The following MAX variants were observed in gnomAD, a reference collection of about 807,000 sequenced individuals.
MAX encodes protein max.
Under a neutral mutation model 22.3 loss-of-function variants are expected in MAX, and 3 were observed. The ratio of observed to expected loss-of-function variants is 0.13; its 90% CI spans 0.06 to 0.35. MAX has a LOEUF of 0.35. MAX is among the 10% of genes least tolerant of loss of function. MAX has a pLI of 1.00. For missense variants in MAX, 119 were observed against 209.4 expected (o/e 0.57, Z 2.66); for synonymous variants, 72 against 77.7 (o/e 0.93, Z 0.39).
chr14:65,100,756 T>C (rs1196518797), intron 2 of MAX, among the ~76,000 whole-genome samples: 4 of 152,190 alleles, frequency 2.6e-5, no homozygotes, highest in Admixed American at 2.0e-4. Flanking sequence ...TTCCCTCAAA[T>C]CTATTCATGA....
downstream of MAX, among the ~76,000 whole-genome samples, chr14:65,070,639 A>G (rs1397620693): frequency 6.6e-6 from 1 of 152,250 alleles, no homozygotes; most frequent in Non-Finnish European, 1.5e-5. The surrounding 1 kb of genome is among the most constrained non-coding windows in gnomAD (Gnocchi z 4.4). Flanking sequence ...GCGAGCGTGC[A>G]CATGGGATCC....
intron 3 of MAX, chr14:65,061,570 C>T (rs1042148985): frequency 4.9e-6 from 2 of 404,580 alleles, no homozygotes; most frequent in African/African-American, 4.0e-5. Flanking sequence ...CAGTGCATGC[C>T]AGGAGGAAGC....
chr14:65,062,257 A>G lies in MAX; in HGVS notation c.171+31451T>C, dbSNP rs932143613. Reference sequence around the variant, plus strand: ...GAGTATTAACACTACTAAGTCTTTCACCTTAACTTATGACTCAGGATTTAT... The same window carrying G: ...GAGTATTAACACTACTAAGTCTTTCGCCTTAACTTATGACTCAGGATTTAT... On this transcript the variant is annotated intron_variant, in intron 3 of 3. Coordinates refer to the MAX transcript ENST00000341653. The surrounding 1 kb of genome is among the most constrained non-coding windows in gnomAD (Gnocchi z 4.3). 2 of 152,246 alleles carry G rather than the reference A, an allele frequency of 1.3e-5. No individual in the cohort carries two copies. Among genetic ancestry groups the G allele is most frequent in the African/African-American group, 4.8e-5 (2 of 41,462 alleles). 9.4% of individuals were successfully genotyped at this position (152,246 alleles called of 1,614,324 possible). A position where few individuals can be genotyped will look rare whatever the true frequency, so the allele number is the denominator to read the frequency against.
At chr14:65,074,522 C>T (rs866470535), downstream of MAX, among the ~76,000 whole-genome samples, 1 of 152,230 alleles carries the variant, frequency 6.6e-6, no homozygotes, top group South Asian at 2.1e-4. Flanking sequence ...GACTTCCTCT[C>T]TGGGTCTAGG....
Position 65,011,498 on chromosome 14 carries a change from G to A in MAX, c.172-5214C>T, listed in dbSNP as rs2061683379. Among the ~76,000 whole-genome samples, 1 of 149,632 alleles carries A rather than the reference G, an allele frequency of 6.7e-6. No individual in the cohort carries two copies. Among genetic ancestry groups the A allele is most frequent in the African/African-American group, 2.5e-5 (1 of 40,724 alleles). ...TCTGAGCCAAGTACAGTGGGAATTT[G>A]ATAAACAATTGTGGAATTGACTACC... On this transcript the variant is annotated intron_variant, in intron 3 of 3. Transcript: ENST00000341653. This position sits in a 1 kb window ranked among gnomAD's most constrained non-coding sequence, Gnocchi z 4.0.
At chr14:65,021,808 G>T (rs554691125) in intron 3 of MAX, among the ~76,000 whole-genome samples, 2 of 152,284 alleles carry the variant, frequency 1.3e-5, no homozygotes, top group East Asian at 3.9e-4. Context: ...ACTATGCCTG[G>T]CTAATTTTTG....
intron 2 of MAX, among the ~76,000 whole-genome samples, chr14:65,094,570 G>C (rs1439322984): frequency 3.9e-5 from 6 of 152,232 alleles, no homozygotes; most frequent in Non-Finnish European, 7.3e-5. Context: ...ATTCTCTCAG[G>C]TACCTGTGGC....
At chr14:65,041,569 G>T (rs200808209) in intron 3 of MAX, among the ~76,000 whole-genome samples, 1 of 152,154 alleles carries the variant, frequency 6.6e-6, no homozygotes, top group African/African-American at 2.4e-5. Flanking sequence ...TGACCATGAC[G>T]TCAAAGCAAA....
Position 65,102,439 on chromosome 14 carries a change from A to C in MAX, c.-100T>G, listed in dbSNP as rs111941208. Reference sequence around the variant, plus strand: ...GACAACAACAAGCCGAGTCCCCCCCACACACACACTCACTCACTCACTCAC... The same window carrying C: ...GACAACAACAAGCCGAGTCCCCCCCCCACACACACTCACTCACTCACTCAC... On this transcript the variant is annotated 5_prime_UTR_variant, in exon 1 of 5. Coordinates refer to ENST00000358664, the MANE Select transcript of MAX (RefSeq NM_002382.5). 1.4e-3 allele frequency: 2,123 copies of C among 1,547,406 alleles called. 25 individuals carry two copies. In the African/African-American group the frequency reaches 0.024, roughly 17 times the overall value.
intron 2 of MAX, among the ~76,000 whole-genome samples, chr14:65,100,507 A>G (rs990747767): frequency 5.3e-5 from 8 of 152,122 alleles, no homozygotes; most frequent in African/African-American, 1.7e-4. Context: ...CTGACCCTTC[A>G]CTCCTACTAA....
chr14:65,095,210 C>T (rs1407211944), intron 2 of MAX, among the ~76,000 whole-genome samples: 1 of 152,218 alleles, frequency 6.6e-6, no homozygotes, highest in East Asian at 1.9e-4. Context: ...AATACCTCAC[C>T]TACAGCTCTG....
Position 65,032,542 on chromosome 14 carries a change from G to T in MAX, c.172-26258C>A, listed in dbSNP as rs111698510. On this transcript the variant is annotated intron_variant, in intron 3 of 3. Transcript: ENST00000341653. This position sits in a 1 kb window ranked among gnomAD's most constrained non-coding sequence, Gnocchi z 5.0. ...ACTAGGCAAGGCGAGCAGTCCGCCCGCGGAGTTCACTGAGCCTCATTAGCT... is the reference window on the plus strand; with the variant it reads ...ACTAGGCAAGGCGAGCAGTCCGCCCTCGGAGTTCACTGAGCCTCATTAGCT... 26 of 1,572,408 alleles carry T rather than the reference G, an allele frequency of 1.7e-5. No homozygotes were observed. The highest frequency in any genetic ancestry group is 6.8e-5 in the African/African-American group (5 of 73,854).
chr14:65,026,566 A>C (rs1292194013), intron 3 of MAX, among the ~76,000 whole-genome samples: 1 of 152,184 alleles, frequency 6.6e-6, no homozygotes, highest in Non-Finnish European at 1.5e-5. Context: ...CTCCATTAAA[A>C]ATGTGTTTTT....
Position 65,034,013 on chromosome 14 carries a change from GATC to G in MAX, c.172-27732_172-27730del, listed in dbSNP as rs557059929. On this transcript the variant is annotated intron_variant, in intron 3 of 3. Transcript: ENST00000341653. ...ACAGTGATACCAGATGATATGCTGAGATCATGTTTACTTTTTTGTATGAGTTTC... is the reference window on the plus strand; with the variant it reads ...ACAGTGATACCAGATGATATGCTGAGATGTTTACTTTTTTGTATGAGTTTC... Among the ~76,000 whole-genome samples, 6 of 152,288 alleles carry G rather than the reference GATC, an allele frequency of 3.9e-5. No individual in the cohort carries two copies. The South Asian group carries it at 1.2e-3, about 32-fold the overall frequency.
rs547438966 is a variant in MAX, at chr14:65,065,672, CTGT to C, written c.171+28033_171+28035del. Among the ~76,000 whole-genome samples, 169 of 152,334 alleles carry C rather than the reference CTGT, an allele frequency of 1.1e-3. 1 individual carries two copies. Among genetic ancestry groups the C allele is most frequent in the African/African-American group, 3.7e-3 (153 of 41,584 alleles). On this transcript the variant is annotated intron_variant, in intron 3 of 3. Transcript: ENST00000341653. ...ACGGGACCACTGTCGTACATGCATT[CTGT>C]TGTTAACCAAAACATGATGTGGCGT...
chr14:65,055,284 C>T (rs1201153050), intron 3 of MAX, among the ~76,000 whole-genome samples: 1 of 152,228 alleles, frequency 6.6e-6, no homozygotes, highest in Non-Finnish European at 1.5e-5. Context: ...CCTGGAGGTG[C>T]TCTGAGCCTA....
chr14:65,042,641 A>G (rs2062377838), intron 3 of MAX, among the ~76,000 whole-genome samples: 2 of 151,894 alleles, frequency 1.3e-5, no homozygotes, highest in Admixed American at 6.6e-5. Flanking sequence ...AATCCAGACT[A>G]CTCCCTTCCA....
chr14:65,077,261 T>C lies in MAX; in HGVS notation c.296-598A>G. On this transcript the variant is annotated intron_variant, in intron 4 of 4. Transcript: ENST00000358664. This position sits in a 1 kb window ranked among gnomAD's most constrained non-coding sequence, Gnocchi z 6.3. ...CCCACTGCCCATCCCTTGGTTCAGC[T>C]CAGCTTGAGCCTGGAAGGTCAACCC... The C allele has an allele frequency of 1.8e-6, 2 of 1,089,510 alleles. No homozygotes were observed. The highest frequency in any genetic ancestry group is 2.7e-6 in the Non-Finnish European group (2 of 730,174). 67.5% of individuals were successfully genotyped at this position (1,089,510 alleles called of 1,614,324 possible).
At chr14:65,016,294 A>T (rs1273212396) in intron 3 of MAX, among the ~76,000 whole-genome samples, 1 of 152,220 alleles carries the variant, frequency 6.6e-6, no homozygotes, top group Non-Finnish European at 1.5e-5. Context: ...TACAGATGGC[A>T]TTCGTGATCT....
Sources: allele counts gnomAD v4.1 joint callset (sites outside exome capture counted in the v4.1 genomes callset), GRCh38; gene constraint gnomAD v4.1.1; non-coding constraint Gnocchi (gnomAD v3.1); transcripts MANE v1.5; gene names NCBI Gene and HGNC (gene_info 2026-07-23, HGNC 2026-07-21).